Variants in NAALADL2 observed in about 807,000 individuals in gnomAD.
The protein encoded by NAALADL2 is N-acetylated alpha-linked acidic dipeptidase like 2.
A neutral mutation model predicts 87.2 loss-of-function variants in NAALADL2; 76 were observed. That is an observed-to-expected ratio of 0.87 (90% CI 0.72 to 1.05). NAALADL2 has a LOEUF of 1.05. NAALADL2 is among the 50% of genes least tolerant of loss of function. The pLI is 0.00. For synonymous variants in NAALADL2, 354 were observed against 331.0 expected (o/e 1.07, Z -0.75); for missense variants, 1,089 against 945.8 (o/e 1.15, Z -1.99).
chr3:174,715,691 T>C (rs1406520953), intron 2 of NAALADL2, among the ~76,000 whole-genome samples: 1 of 152,172 alleles, frequency 6.6e-6, no homozygotes, highest in African/African-American at 2.4e-5. Context: ...TTGCATTGTG[T>C]TGTTTGGGGT....
At chr3:174,702,786 T>TGTG (rs1729679411) in intron 2 of NAALADL2, among the ~76,000 whole-genome samples, 1 of 152,218 alleles carries the variant, frequency 6.6e-6, no homozygotes, top group African/African-American at 2.4e-5. Context: ...CTCTTGTATA[T>TGTG]GTGGTCCATC....
chr3:175,555,087 C>T (rs1305263726), intron 9 of NAALADL2, among the ~76,000 whole-genome samples: 22 of 152,092 alleles, frequency 1.4e-4, no homozygotes. Context: ...TTTCTATGAG[C>T]CAAGACCCTA....
At chr3:175,207,971 C>T (rs1226721331) in intron 2 of NAALADL2, among the ~76,000 whole-genome samples, 4 of 151,964 alleles carry the variant, frequency 2.6e-5, no homozygotes, top group Admixed American at 2.0e-4. Flanking sequence ...ATAAACTGAA[C>T]GAGGGCATAA....
chr3:175,418,672 T>C (rs1259670261), intron 5 of NAALADL2, among the ~76,000 whole-genome samples: 2 of 152,092 alleles, frequency 1.3e-5, no homozygotes, highest in Non-Finnish European at 2.9e-5. Context: ...AATAGCCTAA[T>C]TGGTATTGGT....
chr3:174,799,128 C>T (rs913238805), intron 3 of NAALADL2, among the ~76,000 whole-genome samples: 2 of 151,676 alleles, frequency 1.3e-5, no homozygotes, highest in African/African-American at 4.8e-5. Flanking sequence ...CATGATCGTG[C>T]CACTGCACTC....
intron 13 of NAALADL2, among the ~76,000 whole-genome samples, chr3:175,793,757 A>T (rs1340779966): frequency 6.6e-6 from 1 of 152,216 alleles, no homozygotes; most frequent in Non-Finnish European, 1.5e-5. Context: ...ATTTTGATTT[A>T]TTCATCACGT....
chr3:175,130,535 G>A (rs1343083731), intron 2 of NAALADL2, among the ~76,000 whole-genome samples: 2 of 152,112 alleles, frequency 1.3e-5, no homozygotes, highest in Admixed American at 6.6e-5. Context: ...TGTAAGACAA[G>A]GGTCCAATGT....
At chr3:175,291,745 A>G (rs1378181059) in intron 4 of NAALADL2, among the ~76,000 whole-genome samples, 1 of 152,170 alleles carries the variant, frequency 6.6e-6, no homozygotes, top group Non-Finnish European at 1.5e-5. Flanking sequence ...CATCAATGCA[A>G]TGATGTAGTG....
At chr3:175,030,355 A>G (rs1399347114) in intron 1 of NAALADL2, among the ~76,000 whole-genome samples, 5 of 152,102 alleles carry the variant, frequency 3.3e-5, no homozygotes, top group Admixed American at 2.0e-4. Context: ...AAATTAAAAT[A>G]TATTTCTAAT....
At chr3:175,216,764 G>T (rs542570746) in intron 2 of NAALADL2, among the ~76,000 whole-genome samples, 223 of 141,214 alleles carry the variant, frequency 1.6e-3, no homozygotes, top group Non-Finnish European at 2.7e-3. Context: ...CACCTCCCAG[G>T]TTCAAACAAT....
chr3:175,015,823 TA>T (rs1750736692), intron 1 of NAALADL2, among the ~76,000 whole-genome samples: 2 of 152,078 alleles, frequency 1.3e-5, no homozygotes, highest in Non-Finnish European at 2.9e-5. Flanking sequence ...TCAAAATTTA[TA>T]AAAATAAGTA....
intron 2 of NAALADL2, among the ~76,000 whole-genome samples, chr3:174,714,976 A>G (rs1007729024): frequency 4.6e-5 from 7 of 152,194 alleles, no homozygotes; most frequent in African/African-American, 1.2e-4. Context: ...TGTCCCATCA[A>G]TACCTAATTT....
chr3:174,738,289 T>A (rs920777913), intron 3 of NAALADL2, among the ~76,000 whole-genome samples: 1 of 152,350 alleles, frequency 6.6e-6, no homozygotes, highest in Non-Finnish European at 1.5e-5. Context: ...ATGATGTGGA[T>A]AATGGAAAGG....
intron 6 of NAALADL2, among the ~76,000 whole-genome samples, chr3:175,462,532 G>A (rs934516392): frequency 2.0e-5 from 3 of 152,164 alleles, no homozygotes; most frequent in African/African-American, 7.2e-5. Context: ...GTATAATGTG[G>A]CTACTTTGCA....
intron 1 of NAALADL2, among the ~76,000 whole-genome samples, chr3:174,531,981 A>T (rs1721276745): frequency 6.6e-6 from 1 of 152,210 alleles, no homozygotes. Flanking sequence ...ATCAGTATTG[A>T]TTTAGACTAA....
intron 4 of NAALADL2, among the ~76,000 whole-genome samples, chr3:175,313,449 C>T (rs1758641695): frequency 6.6e-6 from 1 of 152,098 alleles, no homozygotes; most frequent in South Asian, 2.1e-4. Context: ...TTTGAAGGAG[C>T]TAAATGATGG....
intron 3 of NAALADL2, among the ~76,000 whole-genome samples, chr3:174,799,994 G>A (rs926571723): frequency 2.0e-5 from 3 of 152,134 alleles, no homozygotes; most frequent in Non-Finnish European, 4.4e-5. Context: ...AGATGATATA[G>A]GGTATCTGGC....
chr3:175,791,754 T>C (rs912382336), intron 13 of NAALADL2, among the ~76,000 whole-genome samples: 1 of 151,856 alleles, frequency 6.6e-6, no homozygotes, highest in Non-Finnish European at 1.5e-5. Context: ...GTATATTGTA[T>C]ATAAAATATA....
intron 1 of NAALADL2, among the ~76,000 whole-genome samples, chr3:174,487,283 T>C (rs1717914132): frequency 6.6e-6 from 1 of 152,092 alleles, no homozygotes; most frequent in African/African-American, 2.4e-5. Flanking sequence ...ATGGATCATA[T>C]GTCATTTGCA....
Sources: allele counts gnomAD v4.1 joint callset (sites outside exome capture counted in the v4.1 genomes callset), GRCh38; gene constraint gnomAD v4.1.1; transcripts MANE v1.5; gene names NCBI Gene and HGNC (gene_info 2026-07-23, HGNC 2026-07-21).